Variants in PRDM4 observed in about 807,000 individuals in gnomAD.
The protein encoded by PRDM4 is PR domain zinc finger protein 4.
PRDM4 carries 38 observed loss-of-function variants against 62.3 expected under a neutral mutation model. The ratio of observed to expected loss-of-function variants is 0.61; its 90% CI spans 0.47 to 0.80. PRDM4 has a LOEUF of 0.80. Among genes scored for constraint, PRDM4 ranks in the 30% least tolerant of loss-of-function variants. PRDM4 has a pLI of 0.00. For missense variants in PRDM4, 858 were observed against 997.1 expected (o/e 0.86, Z 1.88); for synonymous variants, 339 against 348.2 (o/e 0.97, Z 0.30).
At chr12:107,750,970 A>G (rs1890872550) in intron 5 of PRDM4, among the ~76,000 whole-genome samples, 1 of 152,178 alleles carries the variant, frequency 6.6e-6, no homozygotes, top group Non-Finnish European at 1.5e-5. Context: ...ATCGCAGCAT[A>G]CTATAGCCTG....
At chr12:107,747,385 A>G (rs1394110726) in intron 5 of PRDM4, among the ~76,000 whole-genome samples, 3 of 151,902 alleles carry the variant, frequency 2.0e-5, no homozygotes, top group Non-Finnish European at 4.4e-5. Flanking sequence ...AGCCAGCTAC[A>G]CCACTGTACT....
At position 107,746,408 on chromosome 12, in the gene PRDM4, G is replaced by A. The variant is rs759057801; in HGVS notation, c.1143C>T (p.Asp381=). ...TLFTIWCTLC[D]RAYPSDCPEH... ...CGGGACAGTCCGAGGGATAGGCGCG[G>A]TCACACAGAGTACACCCTGTAGATG... Residue 381 remains aspartate (D), a synonymous_variant, in exon 6 of 12, where the codon GAC becomes GAT. Coordinates refer to ENST00000228437, the MANE Select transcript of PRDM4 (RefSeq NM_012406.4). The A allele has an allele frequency of 1.2e-6, 2 of 1,608,012 alleles. No homozygotes were observed. The highest frequency in any genetic ancestry group is 2.2e-5 in the South Asian group (2 of 89,920).
At chr12:107,749,668 G>A (rs56332415) in intron 5 of PRDM4, among the ~76,000 whole-genome samples, 27,985 of 151,976 alleles carry the variant, frequency 0.18, 3,621 homozygotes, top group East Asian at 0.52. Flanking sequence ...CCACTCTTCT[G>A]CATCCTAATT....
In PRDM4 at chr12:107,760,569, A is replaced by C; in HGVS notation, c.-54T>G. On this transcript the variant is annotated 5_prime_UTR_variant, in exon 2 of 12. An upstream start codon of the reference 5' UTR is lost. Coordinates refer to ENST00000228437, the MANE Select transcript of PRDM4 (RefSeq NM_012406.4). ...AGCGCTCGGGTGGTGGGGAACAGGC[A>C]TCAGGGTTTGCGTTCCAGGGTCACG... The C allele has an allele frequency of 6.2e-7, 1 of 1,608,512 alleles. No homozygotes were observed. Among genetic ancestry groups the C allele is most frequent in the Non-Finnish European group, 8.5e-7 (1 of 1,177,112 alleles).
intron 4 of PRDM4, among the ~76,000 whole-genome samples, chr12:107,753,156 C>T (rs1890951405): frequency 6.6e-6 from 1 of 152,154 alleles, no homozygotes; most frequent in East Asian, 1.9e-4. Context: ...CGGATGGCTT[C>T]AGCGCAGGAG....
intron 11 of PRDM4, among the ~76,000 whole-genome samples, chr12:107,735,873 C>T (rs941397078): frequency 6.6e-5 from 10 of 151,480 alleles, no homozygotes; most frequent in African/African-American, 1.9e-4. Context: ...TGCAGTCGGG[C>T]GTTCTGAAGC....
chr12:107,751,520 C>T lies in PRDM4; in HGVS notation c.1021G>A (p.Gly341Ser), dbSNP rs769568595. Residue 341 changes from glycine to serine, a missense_variant, in exon 5 of 12, where the codon GGT becomes AGT. This residue lies in a region of PRDM4 where 499 missense variants were observed against 546.7 expected (regional missense o/e 0.91). Transcript: ENST00000228437. Reference sequence around the variant, plus strand: ...CTGTCTGAAGATACATCTACATGACCTGTCCCCATAGCAACCTCCTGGGTG... The same window carrying T: ...CTGTCTGAAGATACATCTACATGACTTGTCCCCATAGCAACCTCCTGGGTG... ...SITQEVAMGT[G>S]HVDVSSDSLS... is the part of the protein sequence containing the mutation. 1.2e-6 allele frequency: 2 copies of T among 1,612,972 alleles called. No individual in the cohort carries two copies. Among genetic ancestry groups the T allele is most frequent in the Non-Finnish European group, 1.7e-6 (2 of 1,178,920 alleles).
At chr12:107,757,940 T>A (rs1299091013) in intron 2 of PRDM4, among the ~76,000 whole-genome samples, 2 of 152,154 alleles carry the variant, frequency 1.3e-5, no homozygotes, top group Non-Finnish European at 2.9e-5. Context: ...CTATAAACAT[T>A]ACAGAACCAC....
chr12:107,756,784 A>T, intron 3 of PRDM4, 48 bp downstream of exon 3: 1 of 1,606,188 alleles, frequency 6.2e-7, no homozygotes. Flanking sequence ...TTTAGAATTG[A>T]TAACAGAGTT....
At chr12:107,750,615 A>T (rs943687143) in intron 5 of PRDM4, among the ~76,000 whole-genome samples, 4 of 152,014 alleles carry the variant, frequency 2.6e-5, no homozygotes, top group Non-Finnish European at 4.4e-5. Context: ...AACTGTTTTT[A>T]TATTGTTTTT....
Position 107,751,986 on chromosome 12 carries a change from C to T in PRDM4, c.555G>A (p.Glu185=), listed in dbSNP as rs772501505. 6.2e-7 allele frequency: 1 copy of T among 1,614,102 alleles called. No homozygotes were observed. Among genetic ancestry groups the T allele is most frequent in the African/African-American group, 1.3e-5 (1 of 74,940 alleles). ...AQSLHPSDGH[E]VALDTAITME... ...TAGTGATTGCTGTGTCCAAGGCCAC[C>T]TCATGGCCATCACTGGGATGAAGAC... Residue 185 remains glutamate, a synonymous_variant, in exon 5 of 12, where the codon GAG becomes GAA. Transcript: ENST00000228437.
intron 3 of PRDM4, chr12:107,754,801 T>C (rs1223427317): frequency 1.3e-5 from 2 of 152,252 alleles, no homozygotes; most frequent in African/African-American, 4.8e-5. Flanking sequence ...GAAATTTTTT[T>C]GGTATTTTTA....
At chr12:107,759,902 ACCATCTG>A (rs1205156327) in intron 2 of PRDM4, 1 of 152,276 alleles carries the variant, frequency 6.6e-6, no homozygotes, top group Non-Finnish European at 1.5e-5. Flanking sequence ...GACCTATGCA[ACCATCTG>A]CCAGTTGCTG....
chr12:107,746,223 G>A (rs370549767), intron 6 of PRDM4, 52 bp downstream of exon 6: 371 of 1,586,092 alleles, frequency 2.3e-4, no homozygotes, highest in Non-Finnish European at 2.8e-4. Context: ...ACAACTCTAC[G>A]CTACAAAGGA....
At chr12:107,747,372 C>G (rs1474028414) in intron 5 of PRDM4, among the ~76,000 whole-genome samples, 1 of 151,728 alleles carries the variant, frequency 6.6e-6, no homozygotes, top group African/African-American at 2.4e-5. Flanking sequence ...ACACTGGCGT[C>G]AGAGCCAGCT....
At position 107,733,200 on chromosome 12, in the gene PRDM4, T is replaced by C. The variant is rs1263590216; in HGVS notation, c.*1010A>G. On this transcript the variant is annotated 3_prime_UTR_variant, in exon 12 of 12. Coordinates refer to ENST00000228437, the MANE Select transcript of PRDM4 (RefSeq NM_012406.4). ...AATCCTTTGGCATCTTCCATGCTTCTCTGATGAGGTTCCTCAGCACTGAGA... is the reference window on the plus strand; with the variant it reads ...AATCCTTTGGCATCTTCCATGCTTCCCTGATGAGGTTCCTCAGCACTGAGA... 3 of 152,274 alleles carry C rather than the reference T, an allele frequency of 2.0e-5. No homozygotes were observed. Among genetic ancestry groups the C allele is most frequent in the Admixed American group, 6.5e-5 (1 of 15,286 alleles). 9.4% of individuals were successfully genotyped at this position (152,274 alleles called of 1,614,324 possible).
At chr12:107,753,076 A>T (rs544134640) in intron 4 of PRDM4, among the ~76,000 whole-genome samples, 4 of 152,356 alleles carry the variant, frequency 2.6e-5, no homozygotes, top group Admixed American at 6.5e-5. Context: ...AATCGTATAG[A>T]AAGTATGGTC....
intron 5 of PRDM4, among the ~76,000 whole-genome samples, chr12:107,750,797 C>A (rs1156507120): frequency 6.6e-6 from 1 of 152,158 alleles, no homozygotes; most frequent in Non-Finnish European, 1.5e-5. Flanking sequence ...CTAGAATTTA[C>A]CCCTATAACT....
In PRDM4 at chr12:107,745,791, G is replaced by A. The variant is rs139016648; in HGVS notation, c.1276+484C>T. Among the ~76,000 whole-genome samples the A allele has an allele frequency of 1.9e-4, 29 of 152,226 alleles. 1 individual carries two copies. The East Asian group carries it at 5.2e-3, about 27-fold the overall frequency. On this transcript the variant is annotated intron_variant, in intron 6 of 11. Coordinates refer to ENST00000228437, the MANE Select transcript of PRDM4 (RefSeq NM_012406.4). Reference sequence around the variant, plus strand: ...AATTTTATATTTCCAAAGAAATGTCGCAGTAACTCAGAAGCCATGCTAAAT... The same window carrying A: ...AATTTTATATTTCCAAAGAAATGTCACAGTAACTCAGAAGCCATGCTAAAT...
Sources: gnomAD v4.1 joint callset for allele counts (sites outside exome capture counted in the v4.1 genomes callset) on GRCh38, gnomAD v4.1.1 for gene constraint, gnomAD v4.1.1 regional missense constraint, MANE v1.5 for transcripts, NCBI Gene and HGNC (gene_info 2026-07-23, HGNC 2026-07-21) for gene names.